The following CERS3 variants were observed in gnomAD, a reference collection of about 807,000 sequenced individuals.
CERS3 encodes the protein LAG1 homolog, ceramide synthase 3.
CERS3 carries 33 observed loss-of-function variants against 50.3 expected under a neutral mutation model. That is an observed-to-expected ratio of 0.66 (90% CI 0.50 to 0.88). The LOEUF is 0.88. Among genes scored for constraint, CERS3 ranks in the 40% least tolerant of loss-of-function variants. The probability of loss-of-function intolerance (pLI) is 0.00; values close to 1 mark genes in which losing one functional copy is unlikely to be tolerated. For missense variants in CERS3, 470 were observed against 460.3 expected, an observed-to-expected ratio of 1.02 and a Z score of -0.19; for synonymous variants, 176 against 155.2, an observed-to-expected ratio of 1.13 and a Z score of -0.99.
intron 11 of CERS3, among the ~76,000 whole-genome samples, chr15:100,425,063 G>A (rs1280751399): frequency 9.2e-5 from 14 of 152,178 alleles, no homozygotes; most frequent in Non-Finnish European, 2.9e-5. Flanking sequence ...GTGAGGCTTG[G>A]GAGCCTCCGC....
At chr15:100,537,836 C>A (rs1349620039) in intron 1 of CERS3, among the ~76,000 whole-genome samples, 2 of 152,188 alleles carry the variant, frequency 1.3e-5, no homozygotes, top group South Asian at 2.1e-4. Context: ...AGTCTTAATT[C>A]ATTCCAGCAT....
intron 10 of CERS3, 52 bp downstream of exon 10, chr15:100,469,326 A>G (rs761082211): frequency 3.6e-6 from 5 of 1,405,196 alleles, no homozygotes; most frequent in Non-Finnish European, 5.0e-6. Flanking sequence ...CCATGCACTG[A>G]GGCCACCTCT....
intron 11 of CERS3, among the ~76,000 whole-genome samples, chr15:100,422,090 TA>T (rs2032476862): frequency 9.0e-6 from 1 of 111,558 alleles, no homozygotes; most frequent in Non-Finnish European, 1.9e-5. Flanking sequence ...AAATGGGATC[TA>T]ATTAAACTAA....
At position 100,476,102 on chromosome 15, in the gene CERS3, A is replaced by G; in HGVS notation, c.593T>C (p.Phe198Ser). ...GACACTTACCTTTCTCTTGACATCA[A>G]AGCCAAGTCTAAATAACAGAGACCA... ...FYWSLLFRLG[F>S]DVKRKDFLAH... The change falls in exon 8 of 12, where the codon TTT (phenylalanine) becomes TCT (serine). Residue 198 changes from phenylalanine (F) to serine (S), a missense_variant. Transcript: ENST00000679737. 1 of 1,567,372 alleles carries G rather than the reference A, an allele frequency of 6.4e-7. No homozygotes were observed. Among genetic ancestry groups the G allele is most frequent in the Non-Finnish European group, 8.6e-7 (1 of 1,163,250 alleles).
chr15:100,451,131 A>G (rs1432583117), intron 11 of CERS3, among the ~76,000 whole-genome samples: 10 of 152,116 alleles, frequency 6.6e-5, no homozygotes, highest in Admixed American at 4.6e-4. Flanking sequence ...CTGGTAGAAC[A>G]AACACATAAA....
chr15:100,501,699 T>C lies in CERS3; in HGVS notation c.151A>G (p.Ile51Val), dbSNP rs754497395. 20 of 1,613,430 alleles carry C rather than the reference T, an allele frequency of 1.2e-5. 1 individual carries two copies. In the East Asian group the frequency reaches 4.5e-4, roughly 36 times the overall value. The change falls in exon 3 of 12, where the codon ATT (isoleucine) becomes GTT (valine). Residue 51 changes from isoleucine (I) to valine (V), a missense_variant. Ile to Val is a conservative substitution (Grantham distance 29). Transcript: ENST00000679737. ...VTIPYAFLLL[I>V]IRRVFEKFVA... is the part of the protein sequence containing the mutation. ...TACTTTTCAAATACACGTCTGATAA[T>C]CAGCAAGAGAAAAGCATATGGAATT...
intron 5 of CERS3, among the ~76,000 whole-genome samples, chr15:100,483,775 A>ATTTTT (rs1158193821): frequency 1.2e-3 from 21 of 18,190 alleles, no homozygotes; most frequent in Admixed American, 3.6e-3. Context: ...AATAATAATA[A>ATTTTT]TTATTATTAT....
chr15:100,445,097 C>T (rs1210215234), intron 11 of CERS3, among the ~76,000 whole-genome samples: 1 of 120,890 alleles, frequency 8.3e-6, no homozygotes, highest in Non-Finnish European at 1.9e-5. Flanking sequence ...ACCACTTTCC[C>T]TTCTCAGAAT....
At chr15:100,491,325 C>T (rs907946337) in intron 3 of CERS3, among the ~76,000 whole-genome samples, 4 of 152,070 alleles carry the variant, frequency 2.6e-5, no homozygotes, top group Non-Finnish European at 5.9e-5. Context: ...ATTTCAAGTT[C>T]TAACATACGA....
intron 11 of CERS3, among the ~76,000 whole-genome samples, chr15:100,405,250 A>AAC (rs1484713697): frequency 1.5e-3 from 50 of 32,620 alleles, no homozygotes; most frequent in African/African-American, 4.6e-3. Context: ...AAAAAAAAAC[A>AAC]AAAAAAAACC....
At chr15:100,439,788 C>T (rs925989243) in intron 11 of CERS3, among the ~76,000 whole-genome samples, 3 of 152,192 alleles carry the variant, frequency 2.0e-5, no homozygotes, top group African/African-American at 7.2e-5. Context: ...ACAGAGTACA[C>T]ATGCAAGACT....
At chr15:100,420,964 A>G (rs201088808) in intron 11 of CERS3, among the ~76,000 whole-genome samples, 71,403 of 131,182 alleles carry the variant, frequency 0.54, 19,071 homozygotes, top group Non-Finnish European at 0.58. Flanking sequence ...TGACAAACCC[A>G]CAGCCAATAT....
At chr15:100,515,684 A>T (rs1365728017) in intron 2 of CERS3, among the ~76,000 whole-genome samples, 2 of 152,186 alleles carry the variant, frequency 1.3e-5, no homozygotes, top group African/African-American at 2.4e-5. Flanking sequence ...AAAGGGGTCC[A>T]AGGTGATGGG....
intron 11 of CERS3, among the ~76,000 whole-genome samples, chr15:100,439,381 G>A (rs1261879588): frequency 1.3e-5 from 2 of 152,048 alleles, no homozygotes; most frequent in Non-Finnish European, 2.9e-5. Context: ...CCCAAAACAG[G>A]GTGGTTTGTT....
intron 11 of CERS3, among the ~76,000 whole-genome samples, chr15:100,442,685 C>G (rs1421935470): frequency 6.6e-6 from 1 of 152,200 alleles, no homozygotes; most frequent in African/African-American, 2.4e-5. Flanking sequence ...GGCAGCCACT[C>G]CCAGAGCCCC....
chr15:100,457,708 T>C (rs138185286), intron 10 of CERS3, among the ~76,000 whole-genome samples: 194 of 152,374 alleles, frequency 1.3e-3, no homozygotes, highest in African/African-American at 4.3e-3. Context: ...GTGTGCCATC[T>C]GGTAAATATA....
intron 1 of CERS3, among the ~76,000 whole-genome samples, chr15:100,543,058 T>G (rs1225730870): frequency 6.6e-6 from 1 of 151,964 alleles, no homozygotes; most frequent in Non-Finnish European, 1.5e-5. Context: ...GGATTATAGG[T>G]GCCCACCACC....
intron 1 of CERS3, among the ~76,000 whole-genome samples, chr15:100,525,954 G>A (rs1470273999): frequency 4.6e-5 from 7 of 152,196 alleles, no homozygotes; most frequent in East Asian, 3.9e-4. Context: ...CCATAAACTC[G>A]GGCTGTATAA....
At position 100,484,600 on chromosome 15, in the gene CERS3, A is replaced by T; in HGVS notation, c.357T>A (p.Ser119Arg). 6.2e-7 allele frequency: 1 copy of T among 1,613,930 alleles called. No individual in the cohort carries two copies. Among genetic ancestry groups the T allele is most frequent in the Non-Finnish European group, 8.5e-7 (1 of 1,179,966 alleles). The change falls in exon 5 of 12, where the codon AGT (serine) becomes AGA (arginine). Residue 119 changes from serine to arginine, a missense_variant. Transcript: ENST00000679737. ...TERQVERWFR[S>R]RRNQERPSRL... Reference sequence around the variant, plus strand: ...TGGAAGGCCTCTCTTGATTCCGCCGACTCCTAAACCATCTTTCCACCTGGC... The same window carrying T: ...TGGAAGGCCTCTCTTGATTCCGCCGTCTCCTAAACCATCTTTCCACCTGGC...
Sources: allele counts gnomAD v4.1 joint callset (sites outside exome capture counted in the v4.1 genomes callset), GRCh38; gene constraint gnomAD v4.1.1; transcripts MANE v1.5; gene names NCBI Gene and HGNC (gene_info 2026-07-23, HGNC 2026-07-21).